Variants in MGAT4C observed in about 807,000 individuals in gnomAD.
MGAT4C encodes MGAT4 family member C, also known as alpha-1,3-mannosyl-glycoprotein 4-beta-N-acetylglucosaminyltransferase C.
MGAT4C carries 19 observed loss-of-function variants against 40.1 expected under a neutral mutation model. That is an observed-to-expected ratio of 0.47 (90% confidence interval 0.33 to 0.70). The LOEUF is 0.70. Among genes scored for constraint, MGAT4C ranks in the 30% least tolerant of loss-of-function variants. The pLI is 0.02. For synonymous variants in MGAT4C, 181 were observed against 187.1 expected (o/e 0.97, Z 0.27); for missense variants, 491 against 563.2 (o/e 0.87, Z 1.30).
intron 1 of MGAT4C, among the ~76,000 whole-genome samples, chr12:86,118,571 T>A (rs1878820396): frequency 6.6e-6 from 1 of 152,162 alleles, no homozygotes; most frequent in African/African-American, 2.4e-5. Flanking sequence ...GGATGGCCAA[T>A]ACCAGGGGTT....
chr12:86,585,725 A>ATTT (rs113824217), intron 2 of MGAT4C, among the ~76,000 whole-genome samples: 2 of 141,878 alleles, frequency 1.4e-5, no homozygotes, highest in African/African-American at 5.2e-5. Context: ...TCCATGTTTT[A>ATTT]TTTTTTTTAA....
intron 2 of MGAT4C, among the ~76,000 whole-genome samples, chr12:86,006,413 T>C (rs917364826): frequency 1.3e-5 from 2 of 152,168 alleles, no homozygotes; most frequent in Non-Finnish European, 2.9e-5. Flanking sequence ...AAATATATTA[T>C]ACTACCATAT....
chr12:86,153,491 T>A (rs926762866), intron 1 of MGAT4C, among the ~76,000 whole-genome samples: 1 of 152,180 alleles, frequency 6.6e-6, no homozygotes, highest in African/African-American at 2.4e-5. Context: ...TGTTAAATAA[T>A]CAAATGGGTC....
At chr12:86,425,410 GCT>G (rs1555187213) in intron 3 of MGAT4C, among the ~76,000 whole-genome samples, 1 of 151,986 alleles carries the variant, frequency 6.6e-6, no homozygotes, top group Non-Finnish European at 1.5e-5. Context: ...TTGCTCTCTT[GCT>G]CTGTCTCTCC....
At chr12:86,795,626 G>A (rs936909745) in intron 1 of MGAT4C, among the ~76,000 whole-genome samples, 1 of 151,866 alleles carries the variant, frequency 6.6e-6, no homozygotes, top group Non-Finnish European at 1.5e-5. Flanking sequence ...AAGAGAGAGA[G>A]AGAGAAATAT....
intron 2 of MGAT4C, among the ~76,000 whole-genome samples, chr12:86,692,212 C>T (rs1033524766): frequency 6.6e-6 from 1 of 152,122 alleles, no homozygotes; most frequent in Non-Finnish European, 1.5e-5. Flanking sequence ...ATAAGCAATA[C>T]TTAAAGACAG....
chr12:86,612,805 CA>C (rs1292822895), intron 2 of MGAT4C, among the ~76,000 whole-genome samples: 1 of 148,880 alleles, frequency 6.7e-6, no homozygotes, highest in Non-Finnish European at 1.5e-5. Flanking sequence ...AGCTGTTTTT[CA>C]GAAAGAAAAC....
chr12:86,080,995 A>T (rs964717121), intron 1 of MGAT4C, among the ~76,000 whole-genome samples: 4 of 152,204 alleles, frequency 2.6e-5, no homozygotes, highest in African/African-American at 9.6e-5. Flanking sequence ...TGAGCATTCA[A>T]CTTAAAGAAA....
intron 2 of MGAT4C, among the ~76,000 whole-genome samples, chr12:85,999,263 T>A (rs1016801632): frequency 6.6e-6 from 1 of 152,118 alleles, no homozygotes; most frequent in Non-Finnish European, 1.5e-5. Flanking sequence ...CAGTTCAAGA[T>A]GAGATTTGGG....
At chr12:86,040,099 C>G (rs544561908) in intron 2 of MGAT4C, among the ~76,000 whole-genome samples, 106 of 152,298 alleles carry the variant, frequency 7.0e-4, no homozygotes, top group Non-Finnish European at 1.4e-3. Flanking sequence ...CCTCTAGAAG[C>G]TTTGTCCCAG....
intron 2 of MGAT4C, among the ~76,000 whole-genome samples, chr12:86,579,496 T>C (rs1322196799): frequency 6.6e-6 from 1 of 151,642 alleles, no homozygotes; most frequent in Non-Finnish European, 1.5e-5. Flanking sequence ...TTTCTATTTA[T>C]TGTACTGAGT....
intron 2 of MGAT4C, among the ~76,000 whole-genome samples, chr12:86,696,566 G>A (rs945965872): frequency 6.6e-6 from 1 of 152,170 alleles, no homozygotes; most frequent in African/African-American, 2.4e-5. Context: ...TTCATTGAAC[G>A]AATTCTGCAA....
At chr12:86,800,185 C>G (rs1361897807) in intron 1 of MGAT4C, among the ~76,000 whole-genome samples, 1 of 151,856 alleles carries the variant, frequency 6.6e-6, no homozygotes, top group Admixed American at 6.6e-5. Context: ...CAGAGTATTT[C>G]TCCTTTTCCT....
intron 1 of MGAT4C, among the ~76,000 whole-genome samples, chr12:86,103,667 C>T (rs1247936087): frequency 2.6e-5 from 4 of 152,148 alleles, no homozygotes; most frequent in Non-Finnish European, 2.9e-5. Context: ...AACTAATATA[C>T]CCTTGTGTCC....
chr12:86,800,708 G>T (rs2136202723), intron 1 of MGAT4C, among the ~76,000 whole-genome samples: 1 of 151,840 alleles, frequency 6.6e-6, no homozygotes, highest in East Asian at 1.9e-4. Context: ...TGGGAGGAAA[G>T]TGCCATTGTA....
intron 1 of MGAT4C, among the ~76,000 whole-genome samples, chr12:86,135,284 G>A (rs2135721763): frequency 6.6e-6 from 1 of 152,224 alleles, no homozygotes; most frequent in Admixed American, 6.5e-5. Context: ...AAGGAGGACA[G>A]GATCAAAGAC....
intron 1 of MGAT4C, among the ~76,000 whole-genome samples, chr12:86,191,242 G>T (rs549769447): frequency 6.6e-6 from 1 of 151,984 alleles, no homozygotes; most frequent in African/African-American, 2.4e-5. Flanking sequence ...AATTGATTCT[G>T]GGATTTTCTA....
In MGAT4C at chr12:86,102,595, T is replaced by C. The variant is rs117678043; in HGVS notation, c.-56-52872A>G. ...TATTTTTAGTTCTCTAATCCATTAA[T>C]TTGACAAATGGTTTAATAGCTGAAA... On this transcript the variant is annotated intron_variant, in intron 1 of 4. Transcript: ENST00000611864. Among the ~76,000 whole-genome samples the C allele has an allele frequency of 5.8e-3, 882 of 152,166 alleles. 6 individuals are homozygous for C. The highest frequency in any genetic ancestry group is 0.017 in the Middle Eastern group (5 of 294).
At chr12:86,367,803 AAAAC>A (rs201398634) in intron 3 of MGAT4C, among the ~76,000 whole-genome samples, 3,661 of 151,808 alleles carry the variant, frequency 0.024, 107 homozygotes, top group African/African-American at 0.07. Context: ...CCGTCTCAAA[AAAAC>A]AAACAAACAA....
Sources: gnomAD v4.1 joint callset for allele counts (sites outside exome capture counted in the v4.1 genomes callset) on GRCh38, gnomAD v4.1.1 for gene constraint, MANE v1.5 for transcripts, NCBI Gene and HGNC (gene_info 2026-07-23, HGNC 2026-07-21) for gene names.